Variants in TRIM5 observed in about 807,000 individuals in gnomAD.
The protein encoded by TRIM5 is tripartite motif containing 5.
Under a neutral mutation model 35.6 loss-of-function variants are expected in TRIM5, and 31 were observed. That is an observed-to-expected ratio of 0.87 (90% CI 0.65 to 1.18). The LOEUF is 1.18. Among genes scored for constraint, TRIM5 ranks in the 50% most tolerant of loss-of-function variants. The probability of loss-of-function intolerance (pLI) is 0.00; values close to 1 mark genes in which losing one functional copy is unlikely to be tolerated. For missense variants in TRIM5, 609 were observed against 591.6 expected, an observed-to-expected ratio of 1.03 and a Z score of -0.31; for synonymous variants, 243 against 215.6, an observed-to-expected ratio of 1.13 and a Z score of -1.11.
At chr11:5,643,217 T>C in the TRIM5 span, 1 of 1,613,492 alleles carries the variant, frequency 6.2e-7, no homozygotes, top group Non-Finnish European at 8.5e-7. Context: ...AAGTGATATC[T>C]GTGCCAATTT....
At chr11:5,603,529 C>T in the TRIM5 span, 4 of 1,614,114 alleles carry the variant, frequency 2.5e-6, no homozygotes, top group Non-Finnish European at 3.4e-6. Context: ...GCCTAATCGG[C>T]ATCTGGCCAA....
the TRIM5 span, among the ~76,000 whole-genome samples, chr11:5,602,216 G>A: frequency 6.2e-3 from 939 of 152,202 alleles, 9 homozygotes; most frequent in Middle Eastern, 0.024. Context: ...CAAGGCGGGC[G>A]GATCATGAGG....
the TRIM5 span, among the ~76,000 whole-genome samples, chr11:5,640,925 G>T: frequency 3.4e-5 from 3 of 89,436 alleles, no homozygotes; most frequent in African/African-American, 1.2e-4. Flanking sequence ...TATCTAATTT[G>T]TTGGCATACA....
the TRIM5 span, among the ~76,000 whole-genome samples, chr11:5,628,554 G>T: frequency 6.6e-6 from 1 of 152,156 alleles, no homozygotes; most frequent in African/African-American, 2.4e-5. Flanking sequence ...GGTTAGAGGA[G>T]TAGACAGGTC....
At chr11:5,626,844 T>C in the TRIM5 span, 1 of 149,920 alleles carries the variant, frequency 6.7e-6, no homozygotes, top group East Asian at 2.0e-4. Flanking sequence ...ATCTCGCCAT[T>C]GTACTCCAGC....
the TRIM5 span, among the ~76,000 whole-genome samples, chr11:5,653,985 C>G: frequency 6.6e-6 from 1 of 151,972 alleles, no homozygotes; most frequent in South Asian, 2.1e-4. Context: ...TTGAGTTCTT[C>G]ACTTCTAACA....
At chr11:5,598,377 A>T in the TRIM5 span, among the ~76,000 whole-genome samples, 3 of 152,208 alleles carry the variant, frequency 2.0e-5, no homozygotes, top group African/African-American at 7.2e-5. Context: ...TTTCTGCTCA[A>T]GAATTTTTCT....
At chr11:5,623,534 ATTTTTTTT>A in the TRIM5 span, among the ~76,000 whole-genome samples, 1 of 126,630 alleles carries the variant, frequency 7.9e-6, no homozygotes, top group Non-Finnish European at 1.6e-5. Context: ...TGCCCGGCTA[ATTTTTTTT>A]TTTTTTTTTT....
chr11:5,624,770 C>T, the TRIM5 span: 1 of 152,226 alleles, frequency 6.6e-6, no homozygotes, highest in South Asian at 2.1e-4. Context: ...CCAAATGTGC[C>T]ATCTAGTGCA....
chr11:5,655,614 G>A, the TRIM5 span: 1 of 982,236 alleles, frequency 1.0e-6, no homozygotes, highest in Admixed American at 6.2e-5. Flanking sequence ...TGGTTAAGGT[G>A]TGAAGATTGC....
At chr11:5,668,594 C>G (rs139051320) in intron 4 of TRIM5, among the ~76,000 whole-genome samples, 1 of 151,840 alleles carries the variant, frequency 6.6e-6, no homozygotes, top group African/African-American at 2.4e-5. Flanking sequence ...GGATTACTGG[C>G]GCCCACCATA....
the TRIM5 span, among the ~76,000 whole-genome samples, chr11:5,628,715 A>G: frequency 6.6e-6 from 1 of 152,178 alleles, no homozygotes; most frequent in East Asian, 1.9e-4. Context: ...TGTTGTAACC[A>G]ATTATCACAA....
At chr11:5,621,508 C>T in the TRIM5 span, among the ~76,000 whole-genome samples, 1 of 152,228 alleles carries the variant, frequency 6.6e-6, no homozygotes. Context: ...CAGGTCATTT[C>T]TGCTATCCAG....
intron 1 of TRIM5, among the ~76,000 whole-genome samples, chr11:5,683,047 G>A (rs927405850): frequency 7.9e-5 from 12 of 152,206 alleles, no homozygotes; most frequent in Admixed American, 1.3e-4. Flanking sequence ...CGGAGTGGCC[G>A]GCCGGCCCCG....
intron 4 of TRIM5, among the ~76,000 whole-genome samples, chr11:5,673,115 A>G (rs1381655852): frequency 6.6e-6 from 1 of 152,150 alleles, no homozygotes; most frequent in East Asian, 1.9e-4. Flanking sequence ...TGAAAACCCA[A>G]ATGAAAAGTC....
At chr11:5,665,544 G>A in intron 7 of TRIM5, 112 bp downstream of exon 7, 1 of 1,567,326 alleles carries the variant, frequency 6.4e-7, no homozygotes, top group Non-Finnish European at 8.6e-7. Context: ...CTTGGAAGGA[G>A]AATCATAAAT....
At chr11:5,673,363 A>G (rs772055256) in intron 4 of TRIM5, among the ~76,000 whole-genome samples, 33 of 152,170 alleles carry the variant, frequency 2.2e-4, no homozygotes, top group Admixed American at 1.6e-3. Context: ...GAAAGGTTCA[A>G]TATGTCAAGA....
At chr11:5,634,543 ATAT>A in the TRIM5 span, 1 of 909,594 alleles carries the variant, frequency 1.1e-6, no homozygotes, top group Non-Finnish European at 1.6e-6. Flanking sequence ...ATATATATAT[ATAT>A]ATTTCCCTAC....
chr11:5,621,784 C>T, the TRIM5 span, among the ~76,000 whole-genome samples: 1 of 152,228 alleles, frequency 6.6e-6, no homozygotes, highest in Middle Eastern at 3.4e-3. Flanking sequence ...ATCAGAAACT[C>T]AAAAGAATGC....
Sources: allele counts gnomAD v4.1 joint callset (sites outside exome capture counted in the v4.1 genomes callset), GRCh38; gene constraint gnomAD v4.1.1; transcripts MANE v1.5; gene names NCBI Gene and HGNC (gene_info 2026-07-23, HGNC 2026-07-21).